ZNF2: variants seen among roughly 807,000 people sequenced by gnomAD.
ZNF2 encodes the protein zinc finger protein 2.2.
Under a neutral mutation model 21.9 loss-of-function variants are expected in ZNF2, and 12 were observed. The observed-to-expected ratio is 0.55, with a 90% CI of 0.35 to 0.89. The LOEUF is 0.89. Among genes scored for constraint, ZNF2 ranks in the 40% least tolerant of loss-of-function variants. ZNF2 has a pLI of 0.01. For missense variants in ZNF2, 462 were observed against 544.2 expected, an observed-to-expected ratio of 0.85 and a Z score of 1.50; for synonymous variants, 186 against 196.3, an observed-to-expected ratio of 0.95 and a Z score of 0.44.
chr2:95,169,979 T>G (rs1037101901), intron 1 of ZNF2, among the ~76,000 whole-genome samples: 1 of 152,190 alleles, frequency 6.6e-6, no homozygotes, highest in African/African-American at 2.4e-5. Context: ...TGAGACAGGT[T>G]AAGAAACTTT....
rs1674740032 is a variant in ZNF2, at chr2:95,183,154, C to G, written c.*1048C>G. 6.6e-6 allele frequency: 1 copy of G among 152,220 alleles called. No homozygotes were observed. Among genetic ancestry groups the G allele is most frequent in the Admixed American group, 6.5e-5 (1 of 15,286 alleles). The allele number at this position is 152,220 out of a possible 1,614,324, so 9.4% of individuals were successfully genotyped here. On this transcript the variant is annotated 3_prime_UTR_variant, in exon 5 of 5. Transcript: ENST00000614034. ...GATGTGCTAAGCTGTGGTACAGTAA[C>G]AAGCCCGCAGAGAGCTATGTCTCCC...
rs140825073 is a variant in ZNF2, at chr2:95,175,924, T to C, written c.-39-264T>C. ...GTACTGTGTGAATCTTACACAGTTCTTGACTCTCAGGAACAGAACTCTGCC... is the reference window on the plus strand; with the variant it reads ...GTACTGTGTGAATCTTACACAGTTCCTGACTCTCAGGAACAGAACTCTGCC... On this transcript the variant is annotated intron_variant, in intron 1 of 4. Transcript: ENST00000614034. Among the ~76,000 whole-genome samples the C allele has an allele frequency of 1.8e-3, 273 of 152,328 alleles. 2 individuals are homozygous for C. Among genetic ancestry groups the C allele is most frequent in the African/African-American group, 6.4e-3 (267 of 41,574 alleles).
At chr2:95,170,908 A>G (rs1040227113) in intron 1 of ZNF2, among the ~76,000 whole-genome samples, 6 of 152,170 alleles carry the variant, frequency 3.9e-5, no homozygotes, top group Non-Finnish European at 8.8e-5. Context: ...TTCCCATTCC[A>G]AATTTCTTTT....
At chr2:95,175,255 C>T (rs1474952917) in intron 1 of ZNF2, among the ~76,000 whole-genome samples, 3 of 152,114 alleles carry the variant, frequency 2.0e-5, no homozygotes, top group African/African-American at 7.2e-5. Flanking sequence ...TAAGATCTTG[C>T]ACAGAGCCCA....
chr2:95,177,527 A>G lies in ZNF2; in HGVS notation c.78A>G (p.Glu26=), dbSNP rs772575020. Residue 26 remains glutamate, a synonymous_variant, in exon 3 of 5, where the codon GAA becomes GAG. Coordinates refer to ENST00000614034, the MANE Select transcript of ZNF2 (RefSeq NM_021088.4). ...FEDVAVVFTD[E]EWSRLVPIQR... ...ACGTTGCCGTGGTTTTCACAGATGA[A>G]GAGTGGAGTCGTCTGGTCCCCATAC... The G allele has an allele frequency of 6.2e-7, 1 of 1,614,150 alleles. No homozygotes were observed. Among genetic ancestry groups the G allele is most frequent in the South Asian group, 1.1e-5 (1 of 91,080 alleles).
chr2:95,178,792 G>A (rs1573401410), intron 3 of ZNF2, among the ~76,000 whole-genome samples: 1 of 152,072 alleles, frequency 6.6e-6, no homozygotes, highest in Non-Finnish European at 1.5e-5. Flanking sequence ...ATAGCAAAAC[G>A]TTAAAAATGG....
intron 3 of ZNF2, 109 bp from the exon 4 acceptor site, chr2:95,180,050 C>G (rs1055002215): frequency 2.7e-6 from 2 of 740,130 alleles, no homozygotes; most frequent in Non-Finnish European, 4.7e-6. Flanking sequence ...GAGTGAGATG[C>G]TGTCTCAACA....
At chr2:95,177,744 T>A in intron 3 of ZNF2, 135 bp downstream of exon 3, 1 of 1,203,772 alleles carries the variant, frequency 8.3e-7, no homozygotes, top group Non-Finnish European at 1.1e-6. Flanking sequence ...TCGAAAGATG[T>A]GGCATCAGAG....
chr2:95,169,756 A>C (rs1674211624), intron 1 of ZNF2, among the ~76,000 whole-genome samples: 1 of 152,192 alleles, frequency 6.6e-6, no homozygotes, highest in African/African-American at 2.4e-5. Context: ...TCTCAAAAAA[A>C]ACAAACAAAA....
At chr2:95,173,737 T>C (rs1422872504) in intron 1 of ZNF2, among the ~76,000 whole-genome samples, 1 of 152,200 alleles carries the variant, frequency 6.6e-6, no homozygotes, top group East Asian at 1.9e-4. Flanking sequence ...TGAGATGGAG[T>C]CTTGCTCTGT....
intron 1 of ZNF2, 40 bp from the exon 2 acceptor site, chr2:95,176,148 C>T: frequency 6.4e-7 from 1 of 1,574,372 alleles, no homozygotes; most frequent in Non-Finnish European, 8.7e-7. Context: ...ACTGGTCTTT[C>T]TCCTACCTTC....
chr2:95,178,961 C>T (rs893222622), intron 3 of ZNF2, among the ~76,000 whole-genome samples: 97 of 150,510 alleles, frequency 6.4e-4, no homozygotes, highest in African/African-American at 2.3e-3. Context: ...TACAAATCAG[C>T]GTCATTTCAT....
At chr2:95,175,964 A>G (rs1674425867) in intron 1 of ZNF2, among the ~76,000 whole-genome samples, 1 of 152,198 alleles carries the variant, frequency 6.6e-6, no homozygotes, top group African/African-American at 2.4e-5. Flanking sequence ...GCATCGTGGT[A>G]AAAACCACCA....
chr2:95,183,499 C>T lies in ZNF2; in HGVS notation c.*1393C>T, dbSNP rs1042639732. 1.3e-5 allele frequency: 2 copies of T among 152,124 alleles called. No homozygotes were observed. Among genetic ancestry groups the T allele is most frequent in the Admixed American group, 6.6e-5 (1 of 15,262 alleles). 9.4% of individuals were successfully genotyped at this position (152,124 alleles called of 1,614,324 possible). On this transcript the variant is annotated 3_prime_UTR_variant, in exon 5 of 5. Coordinates refer to ENST00000614034, the MANE Select transcript of ZNF2 (RefSeq NM_021088.4). ...CTGCCTTCCTCAAGACCTAAAATAG[C>T]TCCCTATTTAGTGAAAAATTATCTG...
chr2:95,177,447 G>A (rs1330931158), intron 2 of ZNF2, 36 bp from the exon 3 acceptor site: 3 of 1,606,534 alleles, frequency 1.9e-6, no homozygotes, highest in South Asian at 2.2e-5. Context: ...TAAAGAGAAG[G>A]ATTAAGAGTA....
At chr2:95,169,970 G>A (rs1558710159) in intron 1 of ZNF2, among the ~76,000 whole-genome samples, 1 of 152,198 alleles carries the variant, frequency 6.6e-6, no homozygotes, top group African/African-American at 2.4e-5. Context: ...CAGGCAGACT[G>A]AGACAGGTTA....
intron 3 of ZNF2, among the ~76,000 whole-genome samples, chr2:95,178,058 G>A (rs1234054229): frequency 1.3e-5 from 2 of 152,212 alleles, no homozygotes; most frequent in Non-Finnish European, 2.9e-5. Flanking sequence ...TCGGAATTCA[G>A]GGTTGTGCCT....
At position 95,183,727 on chromosome 2, in the gene ZNF2, T is replaced by C. The variant is rs537987502; in HGVS notation, c.*1621T>C. On this transcript the variant is annotated 3_prime_UTR_variant, in exon 5 of 5. Coordinates refer to ENST00000614034, the MANE Select transcript of ZNF2 (RefSeq NM_021088.4). Reference sequence around the variant, plus strand: ...GCTCCGCCTCCCGGGTTCACGCCATTCTCCTGCCTCAGCCTCCCGAATAGC... The same window carrying C: ...GCTCCGCCTCCCGGGTTCACGCCATCCTCCTGCCTCAGCCTCCCGAATAGC... 1 of 150,962 alleles carries C rather than the reference T, an allele frequency of 6.6e-6. No individual in the cohort carries two copies. Among genetic ancestry groups the C allele is most frequent in the East Asian group, 2.0e-4 (1 of 5,070 alleles). The allele number at this position is 150,962 out of a possible 1,614,324, so 9.4% of individuals were successfully genotyped here.
intron 3 of ZNF2, among the ~76,000 whole-genome samples, chr2:95,178,555 A>C (rs1426747347): frequency 6.6e-6 from 1 of 152,176 alleles, no homozygotes; most frequent in Non-Finnish European, 1.5e-5. Flanking sequence ...GTCAACAGAG[A>C]ATCCACAGAA....
Sources: allele counts gnomAD v4.1 joint callset (sites outside exome capture counted in the v4.1 genomes callset), GRCh38; gene constraint gnomAD v4.1.1; transcripts MANE v1.5; gene names NCBI Gene and HGNC (gene_info 2026-07-23, HGNC 2026-07-21).